LSAMP: variants seen among roughly 807,000 people sequenced by gnomAD.
The protein encoded by LSAMP is limbic system-associated membrane protein.
A neutral mutation model predicts 38.6 loss-of-function variants in LSAMP; 7 were observed. The observed-to-expected ratio is 0.18, with a 90% CI of 0.10 to 0.34. LSAMP has a LOEUF of 0.34. LSAMP is among the 10% of genes least tolerant of loss of function. The pLI is 1.00. For missense variants in LSAMP, 313 were observed against 420.0 expected (o/e 0.75, Z 2.23); for synonymous variants, 154 against 166.8 (o/e 0.92, Z 0.59).
chr3:115,976,987 T>C (rs898157483), intron 3 of LSAMP, among the ~76,000 whole-genome samples: 4 of 152,150 alleles, frequency 2.6e-5, no homozygotes, highest in Admixed American at 6.5e-5. Flanking sequence ...CTGTACTAGA[T>C]ATCATCTTTT....
intron 3 of LSAMP, among the ~76,000 whole-genome samples, chr3:116,015,662 T>A (rs1940459202): frequency 6.6e-6 from 1 of 152,170 alleles, no homozygotes; most frequent in South Asian, 2.1e-4. Flanking sequence ...TTTGTATGTA[T>A]GAAAAATTCA....
intron 1 of LSAMP, among the ~76,000 whole-genome samples, chr3:116,255,975 G>C (rs1243547970): frequency 6.6e-6 from 1 of 151,984 alleles, no homozygotes; most frequent in Non-Finnish European, 1.5e-5. Context: ...TATATATTTG[G>C]CCATTTTCCT....
chr3:116,068,379 A>T (rs1036484881), intron 2 of LSAMP, among the ~76,000 whole-genome samples: 1 of 152,196 alleles, frequency 6.6e-6, no homozygotes, highest in African/African-American at 2.4e-5. Context: ...GGAACAATTT[A>T]AAATGCTCTC....
chr3:116,086,709 A>G (rs1439223901), intron 1 of LSAMP, 153 bp from the exon 2 acceptor site: 1 of 651,120 alleles, frequency 1.5e-6, no homozygotes, highest in African/African-American at 1.8e-5. Context: ...TAGAATTTTC[A>G]CTATTTCATT....
intron 3 of LSAMP, among the ~76,000 whole-genome samples, chr3:115,900,147 A>G (rs765570536): frequency 1.3e-5 from 2 of 152,172 alleles, no homozygotes; most frequent in East Asian, 1.9e-4. Context: ...CCTTAAAGAT[A>G]TTATTCTCTA....
chr3:116,374,756 C>G (rs1244775541), intron 1 of LSAMP, among the ~76,000 whole-genome samples: 2 of 151,920 alleles, frequency 1.3e-5, no homozygotes, highest in East Asian at 3.9e-4. Context: ...GCCATCCAAT[C>G]TCTACAATCA....
chr3:116,233,285 C>T (rs545486385), intron 1 of LSAMP, among the ~76,000 whole-genome samples: 2 of 151,614 alleles, frequency 1.3e-5, no homozygotes, highest in African/African-American at 2.4e-5. Flanking sequence ...TGGTGGTTGG[C>T]GCCTGTAGTC....
intron 1 of LSAMP, among the ~76,000 whole-genome samples, chr3:116,136,591 A>T (rs1709252469): frequency 6.6e-6 from 1 of 152,050 alleles, no homozygotes; most frequent in Non-Finnish European, 1.5e-5. Flanking sequence ...CCAGTTTCAA[A>T]AGTTGCTTTA....
chr3:115,957,638 C>T (rs1938494089), intron 3 of LSAMP, among the ~76,000 whole-genome samples: 1 of 152,144 alleles, frequency 6.6e-6, no homozygotes, highest in Non-Finnish European at 1.5e-5. Flanking sequence ...TTGTATCTTC[C>T]ACATCAGCCT....
At chr3:116,265,548 C>T (rs2046880260) in intron 1 of LSAMP, among the ~76,000 whole-genome samples, 1 of 152,116 alleles carries the variant, frequency 6.6e-6, no homozygotes, top group Non-Finnish European at 1.5e-5. Context: ...CCATAAGAAT[C>T]TAAATACTCG....
intron 1 of LSAMP, among the ~76,000 whole-genome samples, chr3:116,127,695 A>AT (rs67470158): frequency 0.029 from 2,824 of 96,590 alleles, 152 homozygotes; most frequent in African/African-American, 0.061. Context: ...GTGTTTGTTC[A>AT]TTTTTTTTTT....
chr3:115,876,916 C>A (rs1398297535), intron 3 of LSAMP, among the ~76,000 whole-genome samples: 1 of 152,100 alleles, frequency 6.6e-6, no homozygotes, highest in Non-Finnish European at 1.5e-5. Context: ...AGTTTTTCTT[C>A]ATAAGAACTG....
intron 1 of LSAMP, among the ~76,000 whole-genome samples, chr3:116,211,011 A>C (rs560986049): frequency 1.6e-4 from 24 of 152,148 alleles, no homozygotes; most frequent in African/African-American, 5.3e-4. Flanking sequence ...TAAAAAAAAA[A>C]AAACAAAAAC....
At chr3:116,357,334 A>C (rs1405142197) in intron 1 of LSAMP, among the ~76,000 whole-genome samples, 1 of 152,112 alleles carries the variant, frequency 6.6e-6, no homozygotes, top group Non-Finnish European at 1.5e-5. Context: ...TATTTCTAAC[A>C]TTTGCCCTGA....
At chr3:116,161,887 A>G (rs2107539521) in intron 1 of LSAMP, among the ~76,000 whole-genome samples, 1 of 152,206 alleles carries the variant, frequency 6.6e-6, no homozygotes, top group South Asian at 2.1e-4. Flanking sequence ...GAAAACGCAG[A>G]GACAAAAACA....
At position 116,148,103 on chromosome 3, in the gene LSAMP, A is replaced by G. The variant is rs558943561; in HGVS notation, c.156-61547T>C. The stretch of plus-strand genomic sequence containing the variant: ...ATCTACTTCTTAATTTGCTTGTTCT[A>G]CAAAAACATGTGCTTTTTTTTTTTT... On this transcript the variant is annotated intron_variant, in intron 1 of 6. Coordinates refer to ENST00000490035, the MANE Select transcript of LSAMP (RefSeq NM_002338.5). Among the ~76,000 whole-genome samples, 12 of 149,514 alleles carry G rather than the reference A, an allele frequency of 8.0e-5. No homozygotes were observed. In the South Asian group the frequency reaches 2.1e-3, roughly 26 times the overall value.
chr3:115,942,593 T>G (rs1937959854), intron 3 of LSAMP, among the ~76,000 whole-genome samples: 1 of 152,222 alleles, frequency 6.6e-6, no homozygotes, highest in Non-Finnish European at 1.5e-5. Flanking sequence ...TTGCTACATT[T>G]TATAAGCATA....
At chr3:115,920,059 A>G (rs900120375) in intron 3 of LSAMP, among the ~76,000 whole-genome samples, 6 of 152,204 alleles carry the variant, frequency 3.9e-5, no homozygotes, top group African/African-American at 1.4e-4. Context: ...ATTCTCTTGC[A>G]TATATACCAC....
At chr3:116,139,949 A>G (rs571354559) in intron 1 of LSAMP, among the ~76,000 whole-genome samples, 11 of 152,114 alleles carry the variant, frequency 7.2e-5, no homozygotes, top group African/African-American at 2.6e-4. Flanking sequence ...AAAGGGGCAT[A>G]ATAAGCAGAG....
Sources: allele counts gnomAD v4.1 joint callset (sites outside exome capture counted in the v4.1 genomes callset), GRCh38; gene constraint gnomAD v4.1.1; transcripts MANE v1.5; gene names NCBI Gene and HGNC (gene_info 2026-07-23, HGNC 2026-07-21).